Variants in FBXL22 observed in about 807,000 individuals in gnomAD.
The protein encoded by FBXL22 is F-box and leucine-rich protein 22.
FBXL22 carries 13 observed loss-of-function variants against 11.7 expected under a neutral mutation model. That is an observed-to-expected ratio of 1.11 (90% confidence interval 0.73 to 1.77). The LOEUF is 1.77. FBXL22 is among the 40% of genes most tolerant of loss of function. The pLI is 0.00. For missense variants in FBXL22, 406 were observed against 320.4 expected (o/e 1.27, Z -2.04); for synonymous variants, 160 against 144.1 (o/e 1.11, Z -0.79).
chr15:63,600,984 A>T lies in FBXL22; in HGVS notation c.641A>T (p.Gln214Leu). Reference protein sequence around the residue: ...AEHSAAMLPDQPPRPRAPAAA... With the variant: ...AEHSAAMLPDLPPRPRAPAAA... ...CACAGCGCCGCCATGCTGCCCGACC[A>T]GCCCCCGCGCCCGCGCGCGCCCGCC... The change falls in exon 2 of 2, where the codon CAG (glutamine) becomes CTG (leucine). Residue 214 changes from glutamine to leucine, a missense_variant. Transcript: ENST00000638704. 1 of 1,191,324 alleles carries T rather than the reference A, an allele frequency of 8.4e-7. No individual in the cohort carries two copies. Among genetic ancestry groups the T allele is most frequent in the Non-Finnish European group, 1.0e-6 (1 of 962,490 alleles). The allele number at this position is 1,191,324 out of a possible 1,614,324, so 73.8% of individuals were successfully genotyped here. A position where few individuals can be genotyped will look rare whatever the true frequency, so the allele number is the denominator to read the frequency against.
Position 63,600,261 on chromosome 15 carries a change from C to A in FBXL22, c.354-436C>A, listed in dbSNP as rs764328150. 4.0e-6 allele frequency: 4 copies of A among 993,916 alleles called. No individual in the cohort carries two copies. The African/African-American group carries it at 6.9e-5, about 17-fold the overall frequency. 61.6% of individuals were successfully genotyped at this position (993,916 alleles called of 1,614,324 possible). ...GGAAACAAATCCCTCTTCCCACTCA[C>A]GTCCCGCCGGGACATTCAGGGGCCT... is the stretch of plus-strand genomic sequence containing the variant. On this transcript the variant is annotated intron_variant, in intron 1 of 1. Coordinates refer to ENST00000638704, the MANE Select transcript of FBXL22 (RefSeq NM_001367807.1).
At chr15:63,608,012 A>G in the FBXL22 span, among the ~76,000 whole-genome samples, 1 of 152,246 alleles carries the variant, frequency 6.6e-6, no homozygotes, top group East Asian at 1.9e-4. Flanking sequence ...GCACAATTCT[A>G]TCATTCAAGG....
chr15:63,600,760 GCGCCTGCTGCGCTGCTGCCCA>G lies in FBXL22; in HGVS notation c.425_445del (p.Leu142_Leu148del). 1 of 1,231,436 alleles carries G rather than the reference GCGCCTGCTGCGCTGCTGCCCA, an allele frequency of 8.1e-7. No homozygotes were observed. Among genetic ancestry groups the G allele is most frequent in the Non-Finnish European group, 1.0e-6 (1 of 987,726 alleles). The allele number at this position is 1,231,436 out of a possible 1,614,324, so 76.3% of individuals were successfully genotyped here. On this transcript the variant is annotated inframe_deletion, in exon 2 of 2. Coordinates refer to ENST00000638704, the MANE Select transcript of FBXL22 (RefSeq NM_001367807.1). ...GCCACGTTACCGACGACTGCCTGGC[GCGCCTGCTGCGCTGCTGCCCA>G]CGCCTGCGCGCACTGCGCCTGGAGA...
At position 63,600,715 on chromosome 15, in the gene FBXL22, C is replaced by T; in HGVS notation, c.372C>T (p.Ser124=). ...RVCDRCPNLA[S]VTLSGCGHVT... ...CTCACAGGTGCCCCAACCTGGCGTC[C>T]GTCACGCTCTCGGGCTGCGGCCACG... The change falls in exon 2 of 2, where the codon TCC becomes TCT. Residue 124 remains serine (S), a synonymous_variant. Coordinates refer to ENST00000638704, the MANE Select transcript of FBXL22 (RefSeq NM_001367807.1). 1 of 1,231,526 alleles carries T rather than the reference C, an allele frequency of 8.1e-7. No individual in the cohort carries two copies. Among genetic ancestry groups the T allele is most frequent in the Admixed American group, 4.2e-5 (1 of 23,718 alleles). The allele number at this position is 1,231,526 out of a possible 1,614,324, so 76.3% of individuals were successfully genotyped here. A position where few individuals can be genotyped will look rare whatever the true frequency, so the allele number is the denominator to read the frequency against.
At position 63,598,605 on chromosome 15, in the gene FBXL22, A is replaced by G. The variant is rs569052510; in HGVS notation, c.353+860A>G. ...AGTCCCGTGCTGCCTTTGAGGAAAA[A>G]CACCCCCTTGATCATATAACAAACT... On this transcript the variant is annotated intron_variant, in intron 1 of 1. Coordinates refer to ENST00000638704, the MANE Select transcript of FBXL22 (RefSeq NM_001367807.1). 9.9e-5 allele frequency among the ~76,000 whole-genome samples: 15 copies of G among 152,170 alleles called. No homozygotes were observed. In the East Asian group the frequency reaches 2.7e-3, roughly 27 times the overall value.
chr15:63,600,689 C>T lies in FBXL22; in HGVS notation c.354-8C>T, dbSNP rs1289580330. ...AGTGAGCCCCGGGTCACCGCACTCT[C>T]CTCACAGGTGCCCCAACCTGGCGTC... On this transcript the variant is annotated splice_region_variant and splice_polypyrimidine_tract_variant and intron_variant, in intron 1 of 1. Coordinates refer to ENST00000638704, the MANE Select transcript of FBXL22 (RefSeq NM_001367807.1). The T allele has an allele frequency of 4.9e-6, 6 of 1,231,372 alleles. No homozygotes were observed. The highest frequency in any genetic ancestry group is 6.1e-6 in the Non-Finnish European group (6 of 987,786). The allele number at this position is 1,231,372 out of a possible 1,614,324, so 76.3% of individuals were successfully genotyped here.
chr15:63,605,971 A>T (rs551222067), downstream of FBXL22, among the ~76,000 whole-genome samples: 4 of 152,272 alleles, frequency 2.6e-5, no homozygotes, highest in South Asian at 8.3e-4. Context: ...TGCTAGCAGG[A>T]GGTGGTGCTC....
downstream of FBXL22, among the ~76,000 whole-genome samples, chr15:63,603,636 A>C (rs2152689260): frequency 6.6e-6 from 1 of 152,360 alleles, no homozygotes; most frequent in Non-Finnish European, 1.5e-5. Context: ...TGTTCCAGGC[A>C]GAACATGTGG....
intron 1 of FBXL22, chr15:63,600,376 C>A (rs536830659): frequency 1.1e-5 from 12 of 1,129,918 alleles, no homozygotes; most frequent in Middle Eastern, 3.6e-4. Context: ...AGGGTTGTGG[C>A]TCCTGGAACC....
downstream of FBXL22, chr15:63,601,396 G>T (rs1219860137): frequency 6.3e-7 from 1 of 1,598,558 alleles, no homozygotes; most frequent in East Asian, 2.2e-5. Context: ...GGGAGGACCT[G>T]ACCACTCGGA....
At chr15:63,598,294 A>C (rs939386184) in intron 1 of FBXL22, among the ~76,000 whole-genome samples, 1 of 152,166 alleles carries the variant, frequency 6.6e-6, no homozygotes, top group Non-Finnish European at 1.5e-5. Context: ...AAATTAGCAA[A>C]CTGATGCTCC....
chr15:63,602,853 G>C (rs531125217), downstream of FBXL22, among the ~76,000 whole-genome samples: 2 of 152,190 alleles, frequency 1.3e-5, no homozygotes, highest in South Asian at 4.1e-4. Flanking sequence ...GGCTGGAGCA[G>C]AGTGAATGAG....
At chr15:63,607,802 G>A in the FBXL22 span, among the ~76,000 whole-genome samples, 1 of 152,140 alleles carries the variant, frequency 6.6e-6, no homozygotes, top group African/African-American at 2.4e-5. Context: ...GTAGGTGAGG[G>A]AGACAAGCTG....
rs975602141 is a variant in FBXL22 at position 63,597,825 on chromosome 15, C to T, written c.353+80C>T. On this transcript the variant is annotated intron_variant, in intron 1 of 1. Transcript: ENST00000638704. This position sits in a 1 kb window ranked among gnomAD's most constrained non-coding sequence, Gnocchi z 4.3. ...TTGGGGGGCAGGGAAGAGCAAATTA[C>T]GAGACCAAGATGGCTCCACCTTCGG... 8.8e-6 allele frequency: 12 copies of T among 1,362,198 alleles called. No homozygotes were observed. The highest frequency in any genetic ancestry group is 4.4e-5 in the African/African-American group (3 of 68,694). The allele number at this position is 1,362,198 out of a possible 1,614,324, so 84.4% of individuals were successfully genotyped here.
At chr15:63,601,473 C>G (rs746078657), downstream of FBXL22, 35 of 1,558,496 alleles carry the variant, frequency 2.2e-5, no homozygotes, top group Non-Finnish European at 4.3e-6. Context: ...TGGGGAGCCT[C>G]CGGGCGGAGC....
At position 63,600,780 on chromosome 15, in the gene FBXL22, C is replaced by T; in HGVS notation, c.437C>T (p.Pro146Leu). The change falls in exon 2 of 2, where the codon CCA becomes CTA. Residue 146 changes from proline (P) to leucine (L), a missense_variant. Pro to Leu is a moderately conservative substitution (Grantham distance 98). Coordinates refer to ENST00000638704, the MANE Select transcript of FBXL22 (RefSeq NM_001367807.1). The part of the protein sequence containing the change: ...DCLARLLRCC[P>L]RLRALRLENC... The stretch of plus-strand genomic sequence containing the variant: ...CTGGCGCGCCTGCTGCGCTGCTGCC[C>T]ACGCCTGCGCGCACTGCGCCTGGAG... 4.9e-6 allele frequency: 6 copies of T among 1,231,286 alleles called. No individual in the cohort carries two copies. The highest frequency in any genetic ancestry group is 5.1e-6 in the Non-Finnish European group (5 of 987,636). 76.3% of individuals were successfully genotyped at this position (1,231,286 alleles called of 1,614,324 possible). A position where few individuals can be genotyped will look rare whatever the true frequency, so the allele number is the denominator to read the frequency against.
chr15:63,598,585 C>T (rs2067311870), intron 1 of FBXL22, among the ~76,000 whole-genome samples: 2 of 152,130 alleles, frequency 1.3e-5, no homozygotes, highest in African/African-American at 4.8e-5. Context: ...CTGCCAGTCC[C>T]GTGCTGCCTT....
intron 1 of FBXL22, chr15:63,599,569 C>G (rs2067330823): frequency 9.7e-7 from 1 of 1,033,942 alleles, no homozygotes; most frequent in Non-Finnish European, 1.2e-6. Context: ...TGAGGGCACA[C>G]AAACCTGAAG....
At chr15:63,600,603 GTCC>G in intron 1 of FBXL22, 91 bp from the exon 2 acceptor site, 1 of 1,230,240 alleles carries the variant, frequency 8.1e-7, no homozygotes, top group Non-Finnish European at 1.0e-6. Flanking sequence ...CAGGGCCCGA[GTCC>G]TCCTCGGTAA....
Sources: allele counts gnomAD v4.1 joint callset (sites outside exome capture counted in the v4.1 genomes callset), GRCh38; gene constraint gnomAD v4.1.1; non-coding constraint Gnocchi (gnomAD v3.1); transcripts MANE v1.5; gene names NCBI Gene and HGNC (gene_info 2026-07-23, HGNC 2026-07-21).